The following TMEM131L variants were observed in gnomAD, a reference collection of about 807,000 sequenced individuals.
TMEM131L encodes the protein transmembrane protein 131-like.
A neutral mutation model predicts 192.2 loss-of-function variants in TMEM131L; 54 were observed. That is an observed-to-expected ratio of 0.28 (90% confidence interval 0.23 to 0.35). The LOEUF is 0.35. Among genes scored for constraint, TMEM131L ranks in the 10% least tolerant of loss-of-function variants. The probability of loss-of-function intolerance (pLI) is 1.00; values close to 1 mark genes in which losing one functional copy is unlikely to be tolerated. For missense variants in TMEM131L, 1,888 were observed against 1,972.9 expected, an observed-to-expected ratio of 0.96 and a Z score of 0.82; for synonymous variants, 701 against 704.9, an observed-to-expected ratio of 0.99 and a Z score of 0.09.
intron 26 of TMEM131L, among the ~76,000 whole-genome samples, chr4:153,617,052 T>C (rs1251432627): frequency 6.6e-6 from 1 of 152,222 alleles, no homozygotes; most frequent in African/African-American, 2.4e-5. Flanking sequence ...TCATCTTGAA[T>C]TGTAACTTCT....
At chr4:153,545,522 C>T (rs1411171280) in intron 3 of TMEM131L, among the ~76,000 whole-genome samples, 1 of 152,128 alleles carries the variant, frequency 6.6e-6, no homozygotes, top group Non-Finnish European at 1.5e-5. Context: ...CTCCTGACCT[C>T]ATGATCCACC....
intron 26 of TMEM131L, among the ~76,000 whole-genome samples, chr4:153,618,361 C>T (rs1257089938): frequency 6.6e-6 from 1 of 151,224 alleles, no homozygotes; most frequent in Non-Finnish European, 1.5e-5. Context: ...CCTGTAGTGT[C>T]AGCTACTCAG....
rs554812612 is a variant in TMEM131L at position 153,595,714 on chromosome 4, CAA to C, written c.1996-530_1996-529del. On this transcript the variant is annotated intron_variant, in intron 19 of 34. Coordinates refer to ENST00000409959, the MANE Select transcript of TMEM131L (RefSeq NM_001131007.2). Reference sequence around the variant, plus strand: ...TAAACTTAGAGCACAAGTTTTATGCCAAAAAAAAAAAAAAACACGACATCTTG... The same window carrying C: ...TAAACTTAGAGCACAAGTTTTATGCCAAAAAAAAAAAAACACGACATCTTG... 3.6e-3 allele frequency among the ~76,000 whole-genome samples: 288 copies of C among 79,880 alleles called. 1 individual carries two copies. Among genetic ancestry groups the C allele is most frequent in the African/African-American group, 0.011 (269 of 25,502 alleles). 52.4% of individuals were successfully genotyped at this position (79,880 alleles called of 152,430 possible).
intron 3 of TMEM131L, among the ~76,000 whole-genome samples, chr4:153,548,515 G>C (rs546479555): frequency 6.6e-6 from 1 of 152,288 alleles, no homozygotes; most frequent in South Asian, 2.1e-4. Flanking sequence ...GTGTTAGCCA[G>C]GATAGCCTTG....
intron 3 of TMEM131L, among the ~76,000 whole-genome samples, chr4:153,519,461 T>C (rs970691303): frequency 6.6e-6 from 1 of 152,158 alleles, no homozygotes; most frequent in African/African-American, 2.4e-5. Flanking sequence ...ACCATAAGTG[T>C]GTTAGGGGAA....
chr4:153,622,774 A>G (rs1158708854), intron 28 of TMEM131L, 124 bp from the exon 29 acceptor site: 12 of 869,122 alleles, frequency 1.4e-5, no homozygotes, highest in East Asian at 2.4e-5. Flanking sequence ...CTTTCTTGCT[A>G]GATGAGCAGA....
chr4:153,613,368 C>T (rs1055695417), intron 26 of TMEM131L, among the ~76,000 whole-genome samples: 3 of 152,238 alleles, frequency 2.0e-5, no homozygotes, highest in South Asian at 2.1e-4. Context: ...GTAATATAAT[C>T]TGCAAAAACC....
intron 3 of TMEM131L, among the ~76,000 whole-genome samples, chr4:153,513,004 A>G (rs1183073288): frequency 6.6e-6 from 1 of 152,220 alleles, no homozygotes; most frequent in African/African-American, 2.4e-5. Flanking sequence ...TGTCATGCCC[A>G]GGTACTATAC....
At chr4:153,539,474 A>G (rs1241414046) in intron 3 of TMEM131L, among the ~76,000 whole-genome samples, 1 of 148,572 alleles carries the variant, frequency 6.7e-6, no homozygotes, top group Non-Finnish European at 1.5e-5. Context: ...TTTTAAAAAC[A>G]TTATGTTCAG....
At chr4:153,497,653 C>T (rs139943144) in intron 3 of TMEM131L, among the ~76,000 whole-genome samples, 5 of 152,218 alleles carry the variant, frequency 3.3e-5, no homozygotes, top group Non-Finnish European at 7.4e-5. Flanking sequence ...TCAAATCCCA[C>T]GAGGTTCACG....
At chr4:153,523,194 A>G (rs767182878) in intron 3 of TMEM131L, among the ~76,000 whole-genome samples, 5 of 152,252 alleles carry the variant, frequency 3.3e-5, no homozygotes, top group Non-Finnish European at 7.3e-5. Flanking sequence ...GTTTCTTGTG[A>G]CTATAATTCC....
At chr4:153,589,334 C>T (rs1255459046) in intron 16 of TMEM131L, among the ~76,000 whole-genome samples, 1 of 152,124 alleles carries the variant, frequency 6.6e-6, no homozygotes, top group Non-Finnish European at 1.5e-5. Flanking sequence ...ACTCTTCTTG[C>T]ACTTTAAAGC....
Position 153,504,266 on chromosome 4 carries a change from C to CTTTTTTTTT in TMEM131L, c.239+30401_239+30409dup, listed in dbSNP as rs531620464. ...ACGGGCGTGAGCCACCGCGGTCGGC[C>CTTTTTTTTT]TTTTTTTTTTTTTTTTTTTTTTTTT... On this transcript the variant is annotated intron_variant, in intron 3 of 34. Coordinates refer to ENST00000409959, the MANE Select transcript of TMEM131L (RefSeq NM_001131007.2). 4.5e-4 allele frequency among the ~76,000 whole-genome samples: 19 copies of CTTTTTTTTT among 42,628 alleles called. 2 individuals carry two copies. The highest frequency in any genetic ancestry group is 2.5e-3 in the East Asian group (5 of 2,038). The allele number at this position is 42,628 out of a possible 152,430, so 28.0% of individuals were successfully genotyped here.
At chr4:153,582,146 G>A (rs146454652) in intron 9 of TMEM131L, among the ~76,000 whole-genome samples, 1 of 152,208 alleles carries the variant, frequency 6.6e-6, no homozygotes, top group African/African-American at 2.4e-5. Flanking sequence ...AGTATCTTTT[G>A]GTTATCAAGA....
At chr4:153,526,758 G>A (rs118127622) in intron 3 of TMEM131L, among the ~76,000 whole-genome samples, 5,403 of 151,750 alleles carry the variant, frequency 0.036, 418 homozygotes, top group East Asian at 0.22. Context: ...AAGGAAGCTT[G>A]CTGTCTTATA....
intron 21 of TMEM131L, among the ~76,000 whole-genome samples, chr4:153,599,522 CAAAA>C (rs1248932176): frequency 1.3e-5 from 2 of 151,728 alleles, no homozygotes; most frequent in African/African-American, 2.4e-5. Context: ...CTAAAACAAA[CAAAA>C]AAGATACAGA....
chr4:153,598,806 C>G (rs1731627297), intron 21 of TMEM131L, 74 bp downstream of exon 21: 1 of 1,220,974 alleles, frequency 8.2e-7, no homozygotes, highest in African/African-American at 1.6e-5. Flanking sequence ...TCTATAAATT[C>G]TAAATTTTAA....
chr4:153,481,708 G>GT (rs1414372249), intron 3 of TMEM131L, among the ~76,000 whole-genome samples: 1 of 151,992 alleles, frequency 6.6e-6, no homozygotes, highest in African/African-American at 2.4e-5. Flanking sequence ...GCTGATTTTT[G>GT]TATTTTTTTT....
In TMEM131L at chr4:153,555,959, T is replaced by C; in HGVS notation, c.432+49T>C. ...AACTATGCCGTGGCAGGCAGCCAGG[T>C]TTTCTTGCTTTCTTTGGCCTGAAGT... On this transcript the variant is annotated intron_variant, in intron 5 of 34. Coordinates refer to ENST00000409959, the MANE Select transcript of TMEM131L (RefSeq NM_001131007.2). This position sits in a 1 kb window ranked among gnomAD's most constrained non-coding sequence, Gnocchi z 4.1. 1 of 1,539,304 alleles carries C rather than the reference T, an allele frequency of 6.5e-7. No individual in the cohort carries two copies. The highest frequency in any genetic ancestry group is 8.8e-7 in the Non-Finnish European group (1 of 1,139,962).
Sources: allele counts gnomAD v4.1 joint callset (sites outside exome capture counted in the v4.1 genomes callset), GRCh38; gene constraint gnomAD v4.1.1; non-coding constraint Gnocchi (gnomAD v3.1); transcripts MANE v1.5; gene names NCBI Gene and HGNC (gene_info 2026-07-23, HGNC 2026-07-21).